Variants in SERGEF observed in about 807,000 individuals in gnomAD.
SERGEF encodes secretion-regulating guanine nucleotide exchange factor.
A neutral mutation model predicts 50.0 loss-of-function variants in SERGEF; 51 were observed. The ratio of observed to expected loss-of-function variants is 1.02; its 90% CI spans 0.81 to 1.29. The LOEUF (loss-of-function observed/expected upper bound fraction) is 1.29, where lower values mean the gene tolerates loss of function less well. SERGEF is among the 50% of genes most tolerant of loss of function. SERGEF has a pLI of 0.00. For synonymous variants in SERGEF, 205 were observed against 212.4 expected (o/e 0.97, Z 0.30); for missense variants, 521 against 557.0 (o/e 0.94, Z 0.65).
intron 9 of SERGEF, among the ~76,000 whole-genome samples, chr11:17,882,226 G>A (rs1287834208): frequency 4.6e-5 from 7 of 152,080 alleles, no homozygotes; most frequent in Non-Finnish European, 8.8e-5. Flanking sequence ...GACCAGCCTG[G>A]CCAACATGGT....
chr11:17,982,667 G>C (rs890181527), intron 8 of SERGEF, among the ~76,000 whole-genome samples: 2 of 152,086 alleles, frequency 1.3e-5, no homozygotes, highest in Admixed American at 1.3e-4. Context: ...TCAGCATTAG[G>C]TATATTTATA....
intron 9 of SERGEF, among the ~76,000 whole-genome samples, chr11:17,901,312 C>G (rs1851745756): frequency 1.3e-5 from 2 of 152,344 alleles, no homozygotes; most frequent in South Asian, 4.1e-4. Flanking sequence ...CTTCTTCTCT[C>G]CAATTCATTG....
At chr11:17,993,715 T>C (rs1853769134) in intron 6 of SERGEF, among the ~76,000 whole-genome samples, 1 of 152,204 alleles carries the variant, frequency 6.6e-6, no homozygotes. Context: ...CACCTTCAAG[T>C]GTCCTCTGGA....
At chr11:17,992,277 C>T (rs747620005) in intron 7 of SERGEF, among the ~76,000 whole-genome samples, 6 of 151,890 alleles carry the variant, frequency 4.0e-5, no homozygotes, top group Non-Finnish European at 7.4e-5. Context: ...TATATAGACA[C>T]ACAGATTAGA....
intron 8 of SERGEF, among the ~76,000 whole-genome samples, chr11:17,967,478 CAT>C (rs1264298377): frequency 1.3e-5 from 2 of 152,194 alleles, no homozygotes; most frequent in Admixed American, 6.5e-5. Context: ...ATTCCCAAAA[CAT>C]AGAAGTATTC....
intron 9 of SERGEF, chr11:17,926,972 C>A (rs1227534304): frequency 5.2e-6 from 2 of 388,156 alleles, no homozygotes; most frequent in Non-Finnish European, 1.0e-5. Flanking sequence ...ACGGATAAAC[C>A]AACCATCGCC....
In SERGEF at chr11:18,000,538, A is replaced by C. The variant is rs1337253227; in HGVS notation, c.467T>G (p.Val156Gly). Residue 156 changes from valine (V) to glycine (G), a missense_variant, in exon 5 of 11, where the codon GTT becomes GGT. Physicochemically the swap from Val to Gly is moderately radical, Grantham distance 109. Transcript: ENST00000265965. Reference sequence around the variant, plus strand: ...ATGCCTCAGTCCAGCAGCAATACAAACAACCTTCTCTTTATGGAGCTGTCA... The same window carrying C: ...ATGCCTCAGTCCAGCAGCAATACAACCAACCTTCTCTTTATGGAGCTGTCA... ...QAIELHKEKV[V>G]CIAAGLRHAV... 6.3e-6 allele frequency: 10 copies of C among 1,587,986 alleles called. No homozygotes were observed.
chr11:17,919,067 C>T (rs1304861201), intron 9 of SERGEF, among the ~76,000 whole-genome samples: 1 of 152,144 alleles, frequency 6.6e-6, no homozygotes, highest in Non-Finnish European at 1.5e-5. Context: ...AATCATTGAA[C>T]CCCAAATCCT....
intron 10 of SERGEF, among the ~76,000 whole-genome samples, chr11:17,853,162 T>C (rs767086106): frequency 3.9e-5 from 6 of 152,076 alleles, no homozygotes; most frequent in Non-Finnish European, 8.8e-5. Flanking sequence ...CAAACAATAG[T>C]ACCCACTTCA....
chr11:17,972,502 T>A (rs11024440), intron 8 of SERGEF, among the ~76,000 whole-genome samples: 1 of 152,232 alleles, frequency 6.6e-6, no homozygotes, highest in African/African-American at 2.4e-5. Flanking sequence ...TTTTTAGCCA[T>A]AAAATATGTT....
At chr11:17,844,331 A>G (rs1409447867) in intron 10 of SERGEF, among the ~76,000 whole-genome samples, 1 of 152,232 alleles carries the variant, frequency 6.6e-6, no homozygotes, top group Non-Finnish European at 1.5e-5. Context: ...TTTACTGAAA[A>G]ATGACTTTTT....
intron 9 of SERGEF, among the ~76,000 whole-genome samples, chr11:17,890,645 C>T (rs1163146767): frequency 6.6e-6 from 1 of 151,984 alleles, no homozygotes; most frequent in Admixed American, 6.6e-5. Flanking sequence ...GGTCTCAAAC[C>T]CCTGGGCTCA....
rs1313474189 is a variant in SERGEF, at chr11:17,822,738, AC to A, written c.1049-34326del. Among the ~76,000 whole-genome samples, 17 of 152,052 alleles carry A rather than the reference AC, an allele frequency of 1.1e-4. No homozygotes were observed. In the South Asian group the frequency reaches 3.1e-3, roughly 28 times the overall value. ...TCCTATCCTGCAGTGAAGGTACGTC[AC>A]CCCCATTTTACATCGAAGAACCGAG... On this transcript the variant is annotated intron_variant, in intron 10 of 10. Coordinates refer to ENST00000265965, the MANE Select transcript of SERGEF (RefSeq NM_012139.4).
intron 9 of SERGEF, among the ~76,000 whole-genome samples, chr11:17,890,085 A>C (rs1307669133): frequency 1.3e-5 from 2 of 151,744 alleles, no homozygotes; most frequent in Non-Finnish European, 2.9e-5. Context: ...AAGTGAGGAA[A>C]GTGGCCAAGC....
At chr11:17,979,216 A>G (rs1853442041) in intron 8 of SERGEF, among the ~76,000 whole-genome samples, 1 of 152,318 alleles carries the variant, frequency 6.6e-6, no homozygotes, top group Admixed American at 6.5e-5. Flanking sequence ...GCCTAGAGCC[A>G]AGGAACAAAG....
chr11:17,810,770 G>T (rs1277121035), intron 10 of SERGEF, among the ~76,000 whole-genome samples: 1 of 151,084 alleles, frequency 6.6e-6, no homozygotes, highest in Non-Finnish European at 1.5e-5. Flanking sequence ...ACTCAGGAAG[G>T]TAACAGGTCC....
intron 8 of SERGEF, among the ~76,000 whole-genome samples, chr11:17,977,509 G>T (rs540290974): frequency 6.6e-6 from 1 of 152,212 alleles, no homozygotes; most frequent in South Asian, 2.1e-4. Flanking sequence ...TGCTTCAAAG[G>T]CCTCCTCCCT....
intron 9 of SERGEF, among the ~76,000 whole-genome samples, chr11:17,887,271 A>G (rs1025594138): frequency 2.0e-5 from 3 of 152,210 alleles, no homozygotes; most frequent in Non-Finnish European, 4.4e-5. Context: ...CACTTATGCT[A>G]AAGTACAATA....
At chr11:17,831,959 A>G (rs1430154944) in intron 10 of SERGEF, among the ~76,000 whole-genome samples, 1 of 152,176 alleles carries the variant, frequency 6.6e-6, no homozygotes, top group African/African-American at 2.4e-5. Context: ...TCCCCTAGAA[A>G]GCCTCATTAA....
Sources: gnomAD v4.1 joint callset for allele counts (sites outside exome capture counted in the v4.1 genomes callset) on GRCh38, gnomAD v4.1.1 for gene constraint, MANE v1.5 for transcripts, NCBI Gene and HGNC (gene_info 2026-07-23, HGNC 2026-07-21) for gene names.